Variants in EDIL3 observed in about 807,000 individuals in gnomAD.
EDIL3 encodes the protein EGF like and discoidin domains 3, also known as EGF-like repeat and discoidin I-like domain-containing protein 3.
EDIL3 carries 37 observed loss-of-function variants against 67.4 expected under a neutral mutation model. That is an observed-to-expected ratio of 0.55 (90% CI 0.42 to 0.72). EDIL3 has a LOEUF of 0.72. Among genes scored for constraint, EDIL3 ranks in the 30% least tolerant of loss-of-function variants. The pLI is 0.00. For synonymous variants in EDIL3, 195 were observed against 196.3 expected (o/e 0.99, Z 0.05); for missense variants, 527 against 586.3 (o/e 0.90, Z 1.04).
intron 9 of EDIL3, among the ~76,000 whole-genome samples, chr5:83,978,201 A>G (rs1744906787): frequency 6.6e-6 from 1 of 151,956 alleles, no homozygotes; most frequent in Non-Finnish European, 1.5e-5. Flanking sequence ...TAACATTTCT[A>G]TCCACTAGGC....
chr5:84,311,780 T>G (rs1004783251), intron 1 of EDIL3, among the ~76,000 whole-genome samples: 3 of 152,208 alleles, frequency 2.0e-5, no homozygotes, highest in Non-Finnish European at 1.5e-5. Flanking sequence ...CATGCTGCCG[T>G]CAAGCATCTG....
intron 6 of EDIL3, among the ~76,000 whole-genome samples, chr5:84,082,842 C>T (rs1306273804): frequency 2.6e-5 from 4 of 152,028 alleles, no homozygotes. Flanking sequence ...AAGGTAGCTG[C>T]TAGGAATGTT....
chr5:84,176,185 T>C lies in EDIL3; in HGVS notation c.355+4208A>G, dbSNP rs1033098512. Among the ~76,000 whole-genome samples, 27 of 37,888 alleles carry C rather than the reference T, an allele frequency of 7.1e-4. No homozygotes were observed. The South Asian group carries it at 0.029, about 41-fold the overall frequency. The allele number at this position is 37,888 out of a possible 152,430, so 24.9% of individuals were successfully genotyped here. On this transcript the variant is annotated intron_variant, in intron 4 of 10. Coordinates refer to ENST00000296591, the MANE Select transcript of EDIL3 (RefSeq NM_005711.5). Reference sequence around the variant, plus strand: ...CCAACTTTCTCAGTGGTAAAAAATATATATATATATATAATATATATATAT... The same window carrying C: ...CCAACTTTCTCAGTGGTAAAAAATACATATATATATATAATATATATATAT...
chr5:84,190,799 T>G (rs146639666), intron 3 of EDIL3, among the ~76,000 whole-genome samples: 110 of 152,042 alleles, frequency 7.2e-4, no homozygotes, highest in African/African-American at 2.6e-3. Context: ...TGCTTCATCC[T>G]CTAATTATTC....
At chr5:83,965,465 A>C (rs1006741275) in intron 9 of EDIL3, among the ~76,000 whole-genome samples, 4 of 152,072 alleles carry the variant, frequency 2.6e-5, no homozygotes, top group Non-Finnish European at 5.9e-5. Context: ...CATGGAAAAA[A>C]AAGTCTTAAA....
At chr5:84,172,613 A>T (rs1039933874) in intron 4 of EDIL3, among the ~76,000 whole-genome samples, 1 of 152,056 alleles carries the variant, frequency 6.6e-6, no homozygotes, top group African/African-American at 2.4e-5. Context: ...CAACAACAAA[A>T]AAATAAAAAT....
intron 5 of EDIL3, among the ~76,000 whole-genome samples, chr5:84,126,373 C>G (rs1747869435): frequency 6.6e-6 from 1 of 151,988 alleles, no homozygotes; most frequent in South Asian, 2.1e-4. Context: ...TTTTGTCAGT[C>G]TGGTGAAGCC....
chr5:84,261,231 T>C (rs551723005), intron 1 of EDIL3, among the ~76,000 whole-genome samples: 23 of 152,336 alleles, frequency 1.5e-4, no homozygotes, highest in Middle Eastern at 6.8e-3. Flanking sequence ...ATTTGCATAC[T>C]CAAATTGGTA....
intron 1 of EDIL3, among the ~76,000 whole-genome samples, chr5:84,257,049 C>T (rs1745135442): frequency 6.6e-6 from 1 of 152,196 alleles, no homozygotes; most frequent in South Asian, 2.1e-4. Flanking sequence ...TCAGATCCCA[C>T]TCTGTCCTAT....
At chr5:84,049,577 C>T (rs1010666793) in intron 9 of EDIL3, among the ~76,000 whole-genome samples, 1 of 152,122 alleles carries the variant, frequency 6.6e-6, no homozygotes, top group Admixed American at 6.5e-5. Context: ...CTATCCTAAC[C>T]ATGAGTTAGG....
chr5:84,244,234 A>C (rs547976129), intron 2 of EDIL3, among the ~76,000 whole-genome samples: 3 of 152,326 alleles, frequency 2.0e-5, no homozygotes, highest in African/African-American at 7.2e-5. Context: ...AGGAGTCTGT[A>C]AAATTTTCAA....
At chr5:83,970,587 G>T in intron 9 of EDIL3, among the ~76,000 whole-genome samples, 1 of 139,806 alleles carries the variant, frequency 7.2e-6, no homozygotes, top group Non-Finnish European at 1.5e-5. Flanking sequence ...ATTCTTTCTT[G>T]CCCTTACTGA....
intron 4 of EDIL3, among the ~76,000 whole-genome samples, chr5:84,163,278 C>T (rs1356240205): frequency 6.6e-6 from 1 of 151,954 alleles, no homozygotes; most frequent in East Asian, 1.9e-4. Context: ...AGATAGCTGG[C>T]AATAAATTTT....
chr5:83,963,491 A>C, intron 9 of EDIL3, 131 bp from the exon 10 acceptor site: 1 of 1,041,902 alleles, frequency 9.6e-7, no homozygotes, highest in Admixed American at 3.4e-5. Context: ...TGTATTTTGA[A>C]ACCAATGACT....
intron 1 of EDIL3, among the ~76,000 whole-genome samples, chr5:84,291,740 A>ATC (rs1745925715): frequency 6.8e-6 from 1 of 146,690 alleles, no homozygotes; most frequent in African/African-American, 2.5e-5. Flanking sequence ...AGATCTATCT[A>ATC]TATAGATATA....
At chr5:84,161,093 T>C (rs1364767841) in intron 4 of EDIL3, among the ~76,000 whole-genome samples, 1 of 151,972 alleles carries the variant, frequency 6.6e-6, no homozygotes, top group East Asian at 1.9e-4. Context: ...CATACAATAG[T>C]TGGTTTTCCA....
At chr5:84,254,300 T>C (rs571163274) in intron 1 of EDIL3, 88 bp from the exon 2 acceptor site, 3 of 1,406,252 alleles carry the variant, frequency 2.1e-6, no homozygotes, top group Non-Finnish European at 2.9e-6. Flanking sequence ...GGATGTTCCC[T>C]TGGCAAAGTC....
At chr5:84,042,575 C>T (rs146867660) in intron 9 of EDIL3, among the ~76,000 whole-genome samples, 2 of 152,266 alleles carry the variant, frequency 1.3e-5, no homozygotes, top group East Asian at 3.9e-4. Flanking sequence ...AGCCACTGCT[C>T]CTGGCCTGAC....
intron 1 of EDIL3, among the ~76,000 whole-genome samples, chr5:84,312,159 C>G (rs1158550433): frequency 7.9e-5 from 12 of 151,724 alleles, no homozygotes; most frequent in Admixed American, 7.9e-4. Flanking sequence ...CCCCTCACCT[C>G]CCGGACCGGG....
Sources: gnomAD v4.1 joint callset for allele counts (sites outside exome capture counted in the v4.1 genomes callset) on GRCh38, gnomAD v4.1.1 for gene constraint, MANE v1.5 for transcripts, NCBI Gene and HGNC (gene_info 2026-07-23, HGNC 2026-07-21) for gene names.